SIPA1L1: variants seen among roughly 807,000 people sequenced by gnomAD.
SIPA1L1 encodes the protein signal-induced proliferation-associated 1-like protein 1.
Under a neutral mutation model 162.7 loss-of-function variants are expected in SIPA1L1, and 26 were observed. The observed-to-expected ratio is 0.16, with a 90% CI of 0.12 to 0.22. The LOEUF (loss-of-function observed/expected upper bound fraction) is 0.22, where lower values mean the gene tolerates loss of function less well. SIPA1L1 is among the 10% of genes least tolerant of loss of function. SIPA1L1 has a pLI of 1.00. For missense variants in SIPA1L1, 1,874 were observed against 2,241.0 expected (o/e 0.84, Z 3.31); for synonymous variants, 829 against 837.4 (o/e 0.99, Z 0.17).
At chr14:71,720,145 T>A (rs1169243392) in intron 17 of SIPA1L1, among the ~76,000 whole-genome samples, 1 of 152,250 alleles carries the variant, frequency 6.6e-6, no homozygotes, top group Non-Finnish European at 1.5e-5. Flanking sequence ...TGGGATCTTT[T>A]TGGAGTTCTG....
chr14:71,421,592 T>C (rs1360460697), intron 2 of SIPA1L1, among the ~76,000 whole-genome samples: 1 of 152,064 alleles, frequency 6.6e-6, no homozygotes, highest in Non-Finnish European at 1.5e-5. Context: ...TGAGACCTTA[T>C]TCTTAAAAAA....
intron 10 of SIPA1L1, among the ~76,000 whole-genome samples, chr14:71,665,805 G>C (rs2043948238): frequency 6.6e-6 from 1 of 152,060 alleles, no homozygotes; most frequent in Non-Finnish European, 1.5e-5. Flanking sequence ...GTTCCTATAT[G>C]ATAACGTTTA....
intron 2 of SIPA1L1, among the ~76,000 whole-genome samples, chr14:71,367,501 G>A (rs2038432948): frequency 6.6e-6 from 1 of 151,110 alleles, no homozygotes; most frequent in Non-Finnish European, 1.5e-5. Context: ...CTGGAGACGG[G>A]GTTTCACCGT....
Position 71,705,319 on chromosome 14 carries a change from G to C in SIPA1L1, c.3744G>C (p.Leu1248Phe). 6.2e-7 allele frequency: 1 copy of C among 1,613,798 alleles called. No homozygotes were observed. The highest frequency in any genetic ancestry group is 8.5e-7 in the Non-Finnish European group (1 of 1,179,710). ...RLMRQDPVVHLSPNKQGHSDS... is the reference protein window; with the variant it reads ...RLMRQDPVVHFSPNKQGHSDS... Reference sequence around the variant, plus strand: ...TGCGGCAGGATCCAGTGGTTCATTTGTCTCCAAACAAACAAGGGCATGTAA... The same window carrying C: ...TGCGGCAGGATCCAGTGGTTCATTTCTCTCCAAACAAACAAGGGCATGTAA... The change falls in exon 16 of 24, where the codon TTG (leucine) becomes TTC (phenylalanine). Residue 1248 changes from leucine (L) to phenylalanine (F), a missense_variant. By Grantham distance (22) the Leu-to-Phe change is conservative. This residue lies in a region of SIPA1L1 where 936 missense variants were observed against 1,051.9 expected (regional missense o/e 0.89). Coordinates refer to ENST00000381232, the MANE Select transcript of SIPA1L1 (RefSeq NM_001386936.1).
At chr14:71,371,317 A>G (rs373924526) in intron 2 of SIPA1L1, among the ~76,000 whole-genome samples, 1 of 152,196 alleles carries the variant, frequency 6.6e-6, no homozygotes, top group South Asian at 2.1e-4. Context: ...TTGTTTATTC[A>G]TGAAAGATGA....
chr14:71,609,712 CCA>C (rs2037974346), intron 5 of SIPA1L1, among the ~76,000 whole-genome samples: 1 of 152,016 alleles, frequency 6.6e-6, no homozygotes, highest in Non-Finnish European at 1.5e-5. Flanking sequence ...AGCAATCCAT[CCA>C]CCTCGGCCTC....
At chr14:71,559,958 T>TAAA (rs2056655080) in intron 4 of SIPA1L1, among the ~76,000 whole-genome samples, 2 of 152,106 alleles carry the variant, frequency 1.3e-5, no homozygotes, top group Non-Finnish European at 2.9e-5. Context: ...CACACTAAAT[T>TAAA]TATGCTCCAT....
intron 21 of SIPA1L1, 59 bp downstream of exon 21, chr14:71,733,871 C>T: frequency 6.5e-7 from 1 of 1,549,642 alleles, no homozygotes. Context: ...TGAGCAGTCT[C>T]CATCCACTCT....
intron 19 of SIPA1L1, 52 bp from the exon 20 acceptor site, chr14:71,730,003 A>G (rs2084616164): frequency 2.5e-6 from 4 of 1,578,670 alleles, no homozygotes; most frequent in Middle Eastern, 1.7e-4. Flanking sequence ...CCTTGGTCTC[A>G]GGGATCTGAA....
chr14:71,604,821 G>A (rs2037295624), intron 5 of SIPA1L1, among the ~76,000 whole-genome samples: 2 of 151,700 alleles, frequency 1.3e-5, no homozygotes, highest in Non-Finnish European at 2.9e-5. Context: ...TGCTATTTTT[G>A]TCTTTGGCTT....
chr14:71,648,397 G>A (rs1056988140), intron 7 of SIPA1L1, among the ~76,000 whole-genome samples: 11 of 152,164 alleles, frequency 7.2e-5, no homozygotes, highest in African/African-American at 2.7e-4. Flanking sequence ...GGGAGACAAA[G>A]CAAGCAAAGG....
intron 2 of SIPA1L1, among the ~76,000 whole-genome samples, chr14:71,425,212 T>G (rs939781193): frequency 1.3e-5 from 2 of 152,094 alleles, no homozygotes; most frequent in Non-Finnish European, 2.9e-5. Flanking sequence ...AGAACCAACT[T>G]CTGTTTCCTT....
At chr14:71,714,323 C>T (rs1404889941) in intron 17 of SIPA1L1, among the ~76,000 whole-genome samples, 1 of 152,138 alleles carries the variant, frequency 6.6e-6, no homozygotes, top group African/African-American at 2.4e-5. Flanking sequence ...TCTGTCAAGC[C>T]ACAGATGCTT....
chr14:71,614,521 A>G (rs750801676), intron 5 of SIPA1L1, among the ~76,000 whole-genome samples: 10 of 152,198 alleles, frequency 6.6e-5, no homozygotes, highest in African/African-American at 1.2e-4. Flanking sequence ...CGGAGTCTCC[A>G]TCCATACCAA....
chr14:71,540,254 G>A (rs142690844), intron 4 of SIPA1L1, among the ~76,000 whole-genome samples: 211 of 152,282 alleles, frequency 1.4e-3, no homozygotes, highest in Non-Finnish European at 2.5e-3. Flanking sequence ...CCTCTGTTGT[G>A]AGACTGCATG....
intron 5 of SIPA1L1, among the ~76,000 whole-genome samples, chr14:71,592,285 T>C (rs546737835): frequency 6.6e-6 from 1 of 152,342 alleles, no homozygotes; most frequent in East Asian, 1.9e-4. Context: ...ATAGTGGCTC[T>C]GGATAACAAA....
At chr14:71,662,072 G>T (rs550970053) in intron 10 of SIPA1L1, among the ~76,000 whole-genome samples, 20 of 152,348 alleles carry the variant, frequency 1.3e-4, no homozygotes, top group African/African-American at 4.3e-4. Context: ...TGTCACGCTA[G>T]CTCGATAGGG....
At chr14:71,400,007 T>TA (rs1309372915) in intron 2 of SIPA1L1, among the ~76,000 whole-genome samples, 1 of 151,940 alleles carries the variant, frequency 6.6e-6, no homozygotes, top group Non-Finnish European at 1.5e-5. Context: ...ATTTTTTTTT[T>TA]AGAGTTGGGA....
At chr14:71,609,645 T>A (rs774956409) in intron 5 of SIPA1L1, among the ~76,000 whole-genome samples, 31 of 151,938 alleles carry the variant, frequency 2.0e-4, no homozygotes, top group Admixed American at 6.6e-5. Flanking sequence ...TTTTGAATTT[T>A]TAGTGGAGAA....
Sources: gnomAD v4.1 joint callset for allele counts (sites outside exome capture counted in the v4.1 genomes callset) on GRCh38, gnomAD v4.1.1 for gene constraint, gnomAD v4.1.1 regional missense constraint, MANE v1.5 for transcripts, NCBI Gene and HGNC (gene_info 2026-07-23, HGNC 2026-07-21) for gene names.